Variants in KIAA0825 observed in about 807,000 individuals in gnomAD.
KIAA0825 encodes the protein uncharacterized protein KIAA0825.
In KIAA0825, 119 loss-of-function variants were observed where a neutral mutation model predicts 147.6. The ratio of observed to expected loss-of-function variants is 0.81; its 90% CI spans 0.69 to 0.94. The LOEUF is 0.94. KIAA0825 is among the 40% of genes least tolerant of loss of function. The pLI is 0.00. For synonymous variants in KIAA0825, 470 were observed against 518.1 expected (o/e 0.91, Z 1.26); for missense variants, 1,381 against 1,472.7 (o/e 0.94, Z 1.02).
Position 94,618,599 on chromosome 5 carries a change from G to C in KIAA0825, c.-252C>G, listed in dbSNP as rs1241671900. 6.5e-6 allele frequency: 1 copy of C among 154,592 alleles called. No homozygotes were observed. Among genetic ancestry groups the C allele is most frequent in the Non-Finnish European group, 1.5e-5 (1 of 68,236 alleles). 9.6% of individuals were successfully genotyped at this position (154,592 alleles called of 1,614,324 possible). A position where few individuals can be genotyped will look rare whatever the true frequency, so the allele number is the denominator to read the frequency against. ...ACCACCCTGGCGACGGCTCCGGAGC[G>C]TCACTGACAACCACCCGGAAATGGT... On this transcript the variant is annotated 5_prime_UTR_variant, in exon 1 of 21. Transcript: ENST00000682413.
At chr5:94,369,111 T>C (rs188155883) in intron 20 of KIAA0825, among the ~76,000 whole-genome samples, 34 of 152,058 alleles carry the variant, frequency 2.2e-4, no homozygotes, top group African/African-American at 8.0e-4. Flanking sequence ...TGAGCCAAGA[T>C]TGAAGCACTA....
chr5:94,283,850 G>A (rs1016904660), intron 20 of KIAA0825, among the ~76,000 whole-genome samples: 9 of 152,064 alleles, frequency 5.9e-5, no homozygotes, highest in African/African-American at 1.2e-4. Flanking sequence ...AAACCTAAAC[G>A]CGATTACTGA....
intron 20 of KIAA0825, among the ~76,000 whole-genome samples, chr5:94,212,264 A>G (rs1042772407): frequency 6.6e-6 from 1 of 152,182 alleles, no homozygotes; most frequent in Non-Finnish European, 1.5e-5. Context: ...AATTCTTCAA[A>G]GTGAAAATAA....
At chr5:94,343,602 T>C (rs2150338852) in intron 20 of KIAA0825, among the ~76,000 whole-genome samples, 1 of 152,108 alleles carries the variant, frequency 6.6e-6, no homozygotes, top group Admixed American at 6.5e-5. Flanking sequence ...GGCAGGAGAA[T>C]GGCGTGAACC....
In KIAA0825 at chr5:94,360,686, A is replaced by G. The variant is rs142994478; in HGVS notation, c.3710+23682T>C. The stretch of plus-strand genomic sequence containing the variant: ...GAAGTTACCCTATATGGTCTGAAAA[A>G]GTTCAGTACTGGAAATTGCCCACCC... On this transcript the variant is annotated intron_variant, in intron 20 of 20. Transcript: ENST00000682413. Among the ~76,000 whole-genome samples, 155 of 152,328 alleles carry G rather than the reference A, an allele frequency of 1.0e-3. 2 individuals are homozygous for G. Among genetic ancestry groups the G allele is most frequent in the African/African-American group, 3.5e-3 (144 of 41,582 alleles).
intron 5 of KIAA0825, 55 bp from the exon 6 acceptor site, chr5:94,484,985 T>C (rs1762882093): frequency 6.5e-6 from 8 of 1,224,132 alleles, no homozygotes; most frequent in Middle Eastern, 2.1e-4. Flanking sequence ...TCTTAGTAAA[T>C]ATTAGAATGA....
At chr5:94,281,198 A>AACACACACACACACAC (rs34358354) in intron 20 of KIAA0825, among the ~76,000 whole-genome samples, 1 of 145,024 alleles carries the variant, frequency 6.9e-6, no homozygotes, top group Non-Finnish European at 1.5e-5. Flanking sequence ...TAAGTGATTT[A>AACACACACACACACAC]ACACACACAC....
At chr5:94,364,502 C>T (rs1584262779) in intron 20 of KIAA0825, among the ~76,000 whole-genome samples, 1 of 152,062 alleles carries the variant, frequency 6.6e-6, no homozygotes, top group Admixed American at 6.5e-5. Flanking sequence ...CTGCCTCAGC[C>T]TCCCGAGTAG....
chr5:94,491,317 A>T (rs547605684), intron 5 of KIAA0825, among the ~76,000 whole-genome samples: 1 of 152,200 alleles, frequency 6.6e-6, no homozygotes, highest in African/African-American at 2.4e-5. Context: ...GCTCCAGTAA[A>T]GAAAACTTTT....
At chr5:94,202,590 G>A (rs1391165402) in intron 20 of KIAA0825, among the ~76,000 whole-genome samples, 1 of 152,176 alleles carries the variant, frequency 6.6e-6, no homozygotes, top group Non-Finnish European at 1.5e-5. Context: ...AGCAGATGCT[G>A]GGGACTGGGG....
At chr5:94,583,958 A>G (rs1017207083) in intron 1 of KIAA0825, among the ~76,000 whole-genome samples, 4 of 146,894 alleles carry the variant, frequency 2.7e-5, no homozygotes, top group African/African-American at 1.1e-4. Flanking sequence ...GCCTGTTAGA[A>G]GGAAAACTAA....
intron 20 of KIAA0825, among the ~76,000 whole-genome samples, chr5:94,171,531 TA>T (rs1768613597): frequency 6.6e-6 from 1 of 152,166 alleles, no homozygotes; most frequent in Admixed American, 6.5e-5. Flanking sequence ...ACATTGTCCT[TA>T]GTGCCTGGAA....
chr5:94,158,057 T>TAAG (rs1186853225), intron 20 of KIAA0825, among the ~76,000 whole-genome samples: 2 of 152,178 alleles, frequency 1.3e-5, no homozygotes, highest in Non-Finnish European at 2.9e-5. Context: ...GTGTTCTGAA[T>TAAG]AAGAGCACAG....
At chr5:94,407,237 A>G (rs1256112345) in intron 15 of KIAA0825, among the ~76,000 whole-genome samples, 1 of 152,146 alleles carries the variant, frequency 6.6e-6, no homozygotes, top group African/African-American at 2.4e-5. Flanking sequence ...ACTAATCTGG[A>G]GGCTCTGTGC....
At chr5:94,213,204 G>GACA (rs978788640) in intron 20 of KIAA0825, among the ~76,000 whole-genome samples, 2 of 152,032 alleles carry the variant, frequency 1.3e-5, no homozygotes, top group African/African-American at 4.8e-5. Flanking sequence ...CTCAATGAAT[G>GACA]ACAGCATTCA....
chr5:94,560,732 C>T (rs968240942), intron 2 of KIAA0825, among the ~76,000 whole-genome samples: 1 of 152,174 alleles, frequency 6.6e-6, no homozygotes, highest in Non-Finnish European at 1.5e-5. Flanking sequence ...TGACATTTAC[C>T]TCCGTCTGCA....
Position 94,391,524 on chromosome 5 carries a change from C to T in KIAA0825, c.3456+11G>A, listed in dbSNP as rs554442302. The stretch of plus-strand genomic sequence containing the variant: ...ACACCTAATTGCTCGATAAAAAGGC[C>T]GTTTCCCTACCTCATTGAGCTGCAT... On this transcript the variant is annotated intron_variant, in intron 18 of 20. Transcript: ENST00000682413. 3.9e-6 allele frequency: 6 copies of T among 1,549,560 alleles called. No homozygotes were observed. Among genetic ancestry groups the T allele is most frequent in the East Asian group, 2.4e-5 (1 of 40,920 alleles).
intron 20 of KIAA0825, among the ~76,000 whole-genome samples, chr5:94,359,750 A>G (rs1354482056): frequency 6.6e-6 from 1 of 152,250 alleles, no homozygotes; most frequent in African/African-American, 2.4e-5. Flanking sequence ...GGGAAAATTA[A>G]GATTTCTTCC....
At chr5:94,500,050 C>T (rs73145037) in intron 5 of KIAA0825, among the ~76,000 whole-genome samples, 3 of 152,064 alleles carry the variant, frequency 2.0e-5, no homozygotes, top group Non-Finnish European at 4.4e-5. Flanking sequence ...GTGGCACACG[C>T]GACATCATGA....
Sources: allele counts gnomAD v4.1 joint callset (sites outside exome capture counted in the v4.1 genomes callset), GRCh38; gene constraint gnomAD v4.1.1; transcripts MANE v1.5; gene names NCBI Gene and HGNC (gene_info 2026-07-23, HGNC 2026-07-21).